Variants in FN1 observed in about 807,000 individuals in gnomAD.
FN1 encodes fibronectin.
FN1 carries 106 observed loss-of-function variants against 297.3 expected under a neutral mutation model. The ratio of observed to expected loss-of-function variants is 0.36; its 90% CI spans 0.30 to 0.42. FN1 has a LOEUF of 0.42. Ranked by LOEUF, FN1 falls within the 10% of genes least tolerant of loss-of-function variation. FN1 has a pLI of 1.00. For synonymous variants in FN1, 1,149 were observed against 1,152.6 expected, an observed-to-expected ratio of 1.00 and a Z score of 0.06; for missense variants, 2,690 against 3,124.9, an observed-to-expected ratio of 0.86 and a Z score of 3.32.
intron 32 of FN1, chr2:215,381,689 G>T (rs2058233602): frequency 4.8e-6 from 1 of 209,708 alleles, no homozygotes; most frequent in African/African-American, 2.4e-5. Flanking sequence ...GGTCAGGCTG[G>T]TCTCGAACTC....
In FN1 at chr2:215,413,930, CT is replaced by C. The variant is rs542191887; in HGVS notation, c.1941+906del. Among the ~76,000 whole-genome samples, 1,112 of 152,222 alleles carry C rather than the reference CT, an allele frequency of 7.3e-3. 15 individuals carry two copies. Among genetic ancestry groups the C allele is most frequent in the African/African-American group, 0.025 (1,024 of 41,548 alleles). ...TTCTTTCCACTAATTTTCTGGGCAC[CT>C]AGGAGGCCCTTTTAAATCTGAAAAA... On this transcript the variant is annotated intron_variant, in intron 13 of 45. Coordinates refer to ENST00000354785, the MANE Select transcript of FN1 (RefSeq NM_212482.4).
chr2:215,404,963 A>C (rs2061586795), intron 19 of FN1, among the ~76,000 whole-genome samples: 1 of 152,236 alleles, frequency 6.6e-6, no homozygotes, highest in Non-Finnish European at 1.5e-5. Context: ...TGGTATTTTT[A>C]AAAAGGCAAA....
intron 12 of FN1, among the ~76,000 whole-genome samples, chr2:215,416,853 G>C (rs975417078): frequency 2.6e-5 from 4 of 152,206 alleles, no homozygotes; most frequent in African/African-American, 4.8e-5. Context: ...TCAAGCCAAA[G>C]TGGAGTACAA....
At chr2:215,422,811 T>C (rs780179330) in intron 9 of FN1, among the ~76,000 whole-genome samples, 1 of 152,208 alleles carries the variant, frequency 6.6e-6, no homozygotes, top group Non-Finnish European at 1.5e-5. Flanking sequence ...TAAAAGGTAT[T>C]CGTTTCCATT....
At chr2:215,423,750 C>G (rs1487743639) in intron 8 of FN1, among the ~76,000 whole-genome samples, 2 of 87,624 alleles carry the variant, frequency 2.3e-5, no homozygotes, top group African/African-American at 3.3e-5. Flanking sequence ...TTCCCCAGCA[C>G]CCCCCCCACA....
Position 215,361,221 on chromosome 2 carries a change from T to A in FN1, c.*334A>T, listed in dbSNP as rs898946250. On this transcript the variant is annotated 3_prime_UTR_variant, in exon 46 of 46. Coordinates refer to ENST00000354785, the MANE Select transcript of FN1 (RefSeq NM_212482.4). ...TTTCCTACTTAAAATTTTGGTCATA[T>A]CATTTCAAAACATTTGCATCTTGGT... 1 of 295,546 alleles carries A rather than the reference T, an allele frequency of 3.4e-6. No homozygotes were observed. Among genetic ancestry groups the A allele is most frequent in the African/African-American group, 2.2e-5 (1 of 46,332 alleles). The allele number at this position is 295,546 out of a possible 1,614,324, so 18.3% of individuals were successfully genotyped here. A position where few individuals can be genotyped will look rare whatever the true frequency, so the allele number is the denominator to read the frequency against.
At chr2:215,409,830 G>A in intron 14 of FN1, 91 bp from the exon 15 acceptor site, 1 of 1,587,820 alleles carries the variant, frequency 6.3e-7, no homozygotes. Flanking sequence ...AAACGTTGGT[G>A]CCCCTCCTGG....
At chr2:215,397,009 T>C in intron 23 of FN1, 128 bp downstream of exon 23, 5 of 777,224 alleles carry the variant, frequency 6.4e-6, no homozygotes, top group Non-Finnish European at 1.2e-5. Context: ...TGTACTGCTA[T>C]AGTTTTTATG....
At position 215,372,142 on chromosome 2, in the gene FN1, T is replaced by C. The variant is rs771656143; in HGVS notation, c.6481A>G (p.Arg2161Gly). ...TTPPTTATPI[R>G]HRPRPYPPNV... ...GGCGGGTATGGTCTTGGCCTATGCCTTATGGGGGTGGCCGTTGTGGGCGGT... is the reference window on the plus strand; with the variant it reads ...GGCGGGTATGGTCTTGGCCTATGCCCTATGGGGGTGGCCGTTGTGGGCGGT... Residue 2161 changes from arginine to glycine, a missense_variant, in exon 40 of 46, where the codon AGG (arginine) becomes GGG (glycine). By Grantham distance (125) the Arg-to-Gly change is moderately radical (BLOSUM62 -2). Around this residue, in one of 3 missense-constraint regions of FN1, gnomAD observed 1,743 missense variants for 1,945.2 expected, o/e 0.90. Transcript: ENST00000354785. 1 of 1,614,098 alleles carries C rather than the reference T, an allele frequency of 6.2e-7. No individual in the cohort carries two copies. Among genetic ancestry groups the C allele is most frequent in the African/African-American group, 1.3e-5 (1 of 74,920 alleles).
intron 32 of FN1, chr2:215,381,479 T>C: frequency 3.2e-6 from 1 of 312,382 alleles, no homozygotes; most frequent in Non-Finnish European, 6.1e-6. Flanking sequence ...ATTGTTTTGT[T>C]TTGTTTTTTT....
At chr2:215,389,969 T>TA (rs2059523682) in intron 26 of FN1, among the ~76,000 whole-genome samples, 1 of 152,190 alleles carries the variant, frequency 6.6e-6, no homozygotes, top group Non-Finnish European at 1.5e-5. Context: ...ATCTAAAAGA[T>TA]ACAGAGAGTG....
chr2:215,426,152 T>C (rs1418206518), intron 6 of FN1, among the ~76,000 whole-genome samples: 13 of 81,630 alleles, frequency 1.6e-4, no homozygotes, highest in African/African-American at 4.9e-4. Context: ...TCTTTTTTTT[T>C]TTTTTTTTTT....
Position 215,420,665 on chromosome 2 carries a change from C to A in FN1, c.1675+8G>T. 2 of 1,614,082 alleles carry A rather than the reference C, an allele frequency of 1.2e-6. No individual in the cohort carries two copies. Among genetic ancestry groups the A allele is most frequent in the South Asian group, 1.1e-5 (1 of 91,078 alleles). The stretch of plus-strand genomic sequence containing the variant: ...TGCAAACTCATCTAGGGAAATAGGG[C>A]TACTCACCGACGGGATCACACTTCC... On this transcript the variant is annotated splice_region_variant and intron_variant, in intron 11 of 45. Transcript: ENST00000354785.
chr2:215,403,137 TGA>T (rs2061352491), intron 20 of FN1, among the ~76,000 whole-genome samples: 1 of 152,176 alleles, frequency 6.6e-6, no homozygotes, highest in Non-Finnish European at 1.5e-5. Flanking sequence ...ATTAATTTCA[TGA>T]GAGTAGATCT....
chr2:215,378,823 A>C (rs1032564291), intron 34 of FN1, among the ~76,000 whole-genome samples: 1 of 152,176 alleles, frequency 6.6e-6, no homozygotes, highest in Admixed American at 6.5e-5. Context: ...AAAATGCATA[A>C]CTAAGTCGAT....
chr2:215,433,544 A>G (rs542063875), intron 2 of FN1, 83 bp from the exon 3 acceptor site: 1 of 1,358,670 alleles, frequency 7.4e-7, no homozygotes, highest in East Asian at 2.5e-5. Context: ...AGGAAAACCC[A>G]CTTCTCTATT....
intron 25 of FN1, chr2:215,392,686 A>C: frequency 1.8e-6 from 1 of 551,808 alleles, no homozygotes; most frequent in Non-Finnish European, 3.3e-6. Flanking sequence ...CAGAGCAGAC[A>C]TCTGTATTTC....
chr2:215,400,663 A>C (rs888071621), intron 20 of FN1, among the ~76,000 whole-genome samples: 1 of 149,250 alleles, frequency 6.7e-6, no homozygotes, highest in Admixed American at 6.8e-5. Flanking sequence ...GAGGCAGGAG[A>C]ATCACCTGAA....
At chr2:215,373,236 T>C (rs2056589200) in intron 39 of FN1, 86 bp downstream of exon 39, 2 of 1,038,484 alleles carry the variant, frequency 1.9e-6, no homozygotes, top group South Asian at 2.5e-5. Flanking sequence ...CATCAAAACA[T>C]GGAGAACCTT....
Sources: gnomAD v4.1 joint callset for allele counts (sites outside exome capture counted in the v4.1 genomes callset) on GRCh38, gnomAD v4.1.1 for gene constraint, gnomAD v4.1.1 regional missense constraint, MANE v1.5 for transcripts, NCBI Gene and HGNC (gene_info 2026-07-23, HGNC 2026-07-21) for gene names.